PCDH17: variants seen among roughly 807,000 people sequenced by gnomAD.
The protein encoded by PCDH17 is protocadherin 17.
Under a neutral mutation model 67.7 loss-of-function variants are expected in PCDH17, and 21 were observed. The observed-to-expected ratio is 0.31, with a 90% CI of 0.22 to 0.45. The LOEUF is 0.45. Ranked by LOEUF, PCDH17 falls within the 20% of genes least tolerant of loss-of-function variation. The pLI is 1.00. For missense variants in PCDH17, 1,471 were observed against 1,564.8 expected (o/e 0.94, Z 1.01); for synonymous variants, 701 against 656.7 (o/e 1.07, Z -1.03).
chr13:57,634,795 C>T lies in PCDH17; in HGVS notation c.2249C>T (p.Pro750Leu), dbSNP rs767544606. The change falls in exon 1 of 4, where the codon CCG becomes CTG. Residue 750 changes from proline (P) to leucine (L), a missense_variant. Physicochemically the swap from Pro to Leu is moderately conservative, Grantham distance 98. Around this residue, in one of 3 missense-constraint regions of PCDH17, gnomAD observed 1,163 missense variants for 1,230.0 expected, o/e 0.95. Coordinates refer to ENST00000377918, the MANE Select transcript of PCDH17 (RefSeq NM_001040429.3). The surrounding 1 kb of genome is among the most constrained non-coding windows in gnomAD (Gnocchi z 7.8). ...TGCCGCATCGCCGAGTACAGCCACC[C>T]GCAGCTGGGTGGGGGCAAGGGCAAG... ...YNCRIAEYSH[P>L]QLGGGKGKKK... 1 of 1,613,878 alleles carries T rather than the reference C, an allele frequency of 6.2e-7. No homozygotes were observed. The highest frequency in any genetic ancestry group is 1.7e-5 in the Admixed American group (1 of 59,990).
chr13:57,700,321 CTT>C (rs1238464454), intron 3 of PCDH17, among the ~76,000 whole-genome samples: 27 of 137,834 alleles, frequency 2.0e-4, no homozygotes, highest in African/African-American at 2.7e-4. Flanking sequence ...CTCTCTCTCT[CTT>C]TTTTTTTTTT....
chr13:57,695,710 G>T (rs542656548), intron 3 of PCDH17, among the ~76,000 whole-genome samples: 1 of 151,270 alleles, frequency 6.6e-6, no homozygotes, highest in Non-Finnish European at 1.5e-5. Flanking sequence ...GACCAATGTG[G>T]TAGATTACAA....
At position 57,647,516 on chromosome 13, in the gene PCDH17, A is replaced by T. The variant is rs561113631; in HGVS notation, c.2565+12405A>T. 3.2e-4 allele frequency among the ~76,000 whole-genome samples: 49 copies of T among 151,864 alleles called. 1 individual carries two copies. The highest frequency in any genetic ancestry group is 1.8e-3 in the Admixed American group (27 of 15,228). On this transcript the variant is annotated intron_variant, in intron 1 of 3. Coordinates refer to ENST00000377918, the MANE Select transcript of PCDH17 (RefSeq NM_001040429.3). ...CATGGTGATATTTATCACCAGATAA[A>T]TGTTTAACTATATGCACATTTGGGC...
intron 3 of PCDH17, among the ~76,000 whole-genome samples, chr13:57,696,364 G>T (rs1481236545): frequency 6.6e-6 from 1 of 150,860 alleles, no homozygotes; most frequent in African/African-American, 2.4e-5. Context: ...AAAAAAAGTG[G>T]GTTTTAATTT....
chr13:57,640,149 T>C (rs1954872225), intron 1 of PCDH17, among the ~76,000 whole-genome samples: 1 of 152,018 alleles, frequency 6.6e-6, no homozygotes. Context: ...ATAGCATTTA[T>C]ATTTTATCAT....
chr13:57,638,938 A>C (rs1954857928), intron 1 of PCDH17, among the ~76,000 whole-genome samples: 1 of 152,060 alleles, frequency 6.6e-6, no homozygotes, highest in Non-Finnish European at 1.5e-5. Flanking sequence ...TTCATACTCT[A>C]GCCTATTAAT....
chr13:57,695,934 G>A (rs1362681889), intron 3 of PCDH17, among the ~76,000 whole-genome samples: 1 of 151,296 alleles, frequency 6.6e-6, no homozygotes, highest in Non-Finnish European at 1.5e-5. Context: ...GAAAATCTGG[G>A]TCCTGGTTTA....
In PCDH17 at chr13:57,632,825, G is replaced by T; in HGVS notation, c.279G>T (p.Glu93Asp). 6.2e-7 allele frequency: 1 copy of T among 1,613,774 alleles called. No individual in the cohort carries two copies. ...ACACCAAGCAGCGCATCGACCGCGA[G>T]TCCCTGTGCCGCCACAATGCCAAGT... ...LLYTKQRIDR[E>D]SLCRHNAKCQ... The change falls in exon 1 of 4, where the codon GAG becomes GAT. Residue 93 changes from glutamate (E) to aspartate (D), a missense_variant. By Grantham distance (45) the Glu-to-Asp change is conservative. Coordinates refer to ENST00000377918, the MANE Select transcript of PCDH17 (RefSeq NM_001040429.3).
chr13:57,707,882 T>C (rs557178667), intron 3 of PCDH17, among the ~76,000 whole-genome samples: 2 of 152,152 alleles, frequency 1.3e-5, no homozygotes, highest in South Asian at 2.1e-4. Context: ...AGGACACAAG[T>C]CTTTGGATTA....
At chr13:57,693,070 G>A (rs1418765138) in intron 3 of PCDH17, among the ~76,000 whole-genome samples, 3 of 150,418 alleles carry the variant, frequency 2.0e-5, no homozygotes, top group South Asian at 2.1e-4. Context: ...AGCCTGGATA[G>A]GAGGTTATAG....
upstream of PCDH17, among the ~76,000 whole-genome samples, chr13:57,631,615 A>G (rs1954721462): frequency 1.3e-5 from 2 of 152,136 alleles, no homozygotes; most frequent in African/African-American, 4.8e-5. Flanking sequence ...CCCTCCCAAT[A>G]GACTCACACA....
At chr13:57,659,309 G>T (rs1421273231) in intron 1 of PCDH17, among the ~76,000 whole-genome samples, 2 of 152,030 alleles carry the variant, frequency 1.3e-5, no homozygotes, top group African/African-American at 2.4e-5. Context: ...TTGAAGACTA[G>T]TGTTCTGATT....
chr13:57,656,411 C>G (rs891643693), intron 1 of PCDH17, among the ~76,000 whole-genome samples: 1 of 151,970 alleles, frequency 6.6e-6, no homozygotes, highest in Non-Finnish European at 1.5e-5. Context: ...TACCATAAGA[C>G]TCAGAATTCT....
intron 3 of PCDH17, among the ~76,000 whole-genome samples, chr13:57,695,682 C>T (rs1566238767): frequency 6.6e-6 from 1 of 151,096 alleles, no homozygotes; most frequent in South Asian, 2.1e-4. Flanking sequence ...AAAACTGGGG[C>T]CAAATTTAAA....
chr13:57,702,899 A>G (rs996621774), intron 3 of PCDH17, among the ~76,000 whole-genome samples: 1 of 152,190 alleles, frequency 6.6e-6, no homozygotes, highest in Non-Finnish European at 1.5e-5. Context: ...AGATGCTGGC[A>G]GGCTCCAACT....
Position 57,725,291 on chromosome 13 carries a change from G to T in PCDH17, c.3477G>T (p.Lys1159Asn). 1 of 1,525,516 alleles carries T rather than the reference G, an allele frequency of 6.6e-7. No homozygotes were observed. Among genetic ancestry groups the T allele is most frequent in the Admixed American group, 2.1e-5 (1 of 46,752 alleles). The allele number at this position is 1,525,516 out of a possible 1,614,324, so 94.5% of individuals were successfully genotyped here. ...CRGNDPVAVRK is the reference protein window; with the variant it reads ...CRGNDPVAVRN ...GAAACGACCCTGTGGCTGTGAGAAA[G>T]TGAAAAAAGAAAAAAAAAAAGGCAT... The change falls in exon 4 of 4, where the codon AAG (lysine) becomes AAT (asparagine). Residue 1159 changes from lysine to asparagine, a missense_variant. Lys to Asn is a moderately conservative substitution (Grantham distance 94). Transcript: ENST00000377918.
chr13:57,721,423 T>C (rs1955870725), intron 3 of PCDH17, among the ~76,000 whole-genome samples: 1 of 152,172 alleles, frequency 6.6e-6, no homozygotes, highest in Non-Finnish European at 1.5e-5. Flanking sequence ...TTTGCTTTTT[T>C]TTTCATTTCC....
intron 3 of PCDH17, among the ~76,000 whole-genome samples, chr13:57,676,870 T>C (rs1254508106): frequency 6.6e-6 from 1 of 151,938 alleles, no homozygotes; most frequent in Non-Finnish European, 1.5e-5. Context: ...GCTGGTTGTA[T>C]TTTATGATTC....
chr13:57,650,109 A>T (rs1955016362), intron 1 of PCDH17, among the ~76,000 whole-genome samples: 1 of 152,086 alleles, frequency 6.6e-6, no homozygotes, highest in Middle Eastern at 3.2e-3. Flanking sequence ...AGGTGACATA[A>T]CTTTTTTAGT....
Sources: gnomAD v4.1 joint callset for allele counts (sites outside exome capture counted in the v4.1 genomes callset) on GRCh38, gnomAD v4.1.1 for gene constraint, gnomAD v4.1.1 regional missense constraint, Gnocchi (gnomAD v3.1) non-coding constraint, MANE v1.5 for transcripts, NCBI Gene and HGNC (gene_info 2026-07-23, HGNC 2026-07-21) for gene names.